The following EML6 variants were observed in gnomAD, a reference collection of about 807,000 sequenced individuals.
The protein encoded by EML6 is EMAP like 6, also known as echinoderm microtubule-associated protein-like 6.
Under a neutral mutation model 240.1 loss-of-function variants are expected in EML6, and 154 were observed. The observed-to-expected ratio is 0.64, with a 90% CI of 0.56 to 0.73. The LOEUF (loss-of-function observed/expected upper bound fraction) is 0.73. EML6 is among the 30% of genes least tolerant of loss of function. EML6 has a pLI of 0.00. For missense variants in EML6, 2,964 were observed against 2,474.6 expected, an observed-to-expected ratio of 1.20 and a Z score of -4.20; for synonymous variants, 1,148 against 899.0, an observed-to-expected ratio of 1.28 and a Z score of -4.95.
intron 2 of EML6, among the ~76,000 whole-genome samples, chr2:54,803,148 G>A: frequency 6.6e-6 from 1 of 152,120 alleles, no homozygotes; most frequent in Non-Finnish European, 1.5e-5. Flanking sequence ...GAAGGGGAAG[G>A]GAGTTGTTCT....
intron 5 of EML6, among the ~76,000 whole-genome samples, chr2:54,823,878 T>C (rs2631843): frequency 0.47 from 60,432 of 128,584 alleles, 15,376 homozygotes; most frequent in Middle Eastern, 0.63. Flanking sequence ...CTCTCTCTCT[T>C]TCTGTCTCTC....
At chr2:54,791,227 C>T (rs1669432846) in intron 2 of EML6, among the ~76,000 whole-genome samples, 1 of 152,104 alleles carries the variant, frequency 6.6e-6, no homozygotes, top group South Asian at 2.1e-4. Flanking sequence ...CAGATGATGC[C>T]AGTACATGCC....
intron 2 of EML6, among the ~76,000 whole-genome samples, chr2:54,790,966 C>A (rs1486091271): frequency 6.6e-6 from 1 of 152,072 alleles, no homozygotes; most frequent in African/African-American, 2.4e-5. Context: ...ACCTCGTGAT[C>A]CGCCCGCCTC....
At chr2:54,788,319 T>G (rs1456515451) in intron 2 of EML6, among the ~76,000 whole-genome samples, 1 of 152,212 alleles carries the variant, frequency 6.6e-6, no homozygotes, top group Non-Finnish European at 1.5e-5. Context: ...TGTTTTGTTG[T>G]GCCGGCTCCT....
intron 38 of EML6, among the ~76,000 whole-genome samples, chr2:54,965,968 T>G (rs1676729453): frequency 6.6e-6 from 1 of 152,228 alleles, no homozygotes; most frequent in Admixed American, 6.5e-5. Context: ...CAAAGTTAGT[T>G]CAGCCTACAT....
intron 16 of EML6, among the ~76,000 whole-genome samples, chr2:54,874,056 C>T (rs1671386499): frequency 6.6e-6 from 1 of 152,118 alleles, no homozygotes; most frequent in Non-Finnish European, 1.5e-5. Context: ...TTGGTTATTT[C>T]CTCTATAGAG....
chr2:54,864,525 G>C (rs1288835660), intron 13 of EML6, among the ~76,000 whole-genome samples: 5 of 152,148 alleles, frequency 3.3e-5, no homozygotes, highest in African/African-American at 4.8e-5. Context: ...ATACCACCTT[G>C]TTACAGCAAT....
Position 54,952,652 on chromosome 2 carries a change from G to T in EML6, c.4272G>T (p.Gln1424His). The T allele has an allele frequency of 6.4e-7, 1 of 1,551,398 alleles. No individual in the cohort carries two copies. Among genetic ancestry groups the T allele is most frequent in the African/African-American group, 1.4e-5 (1 of 73,162 alleles). Residue 1424 changes from glutamine to histidine, a missense_variant, in exon 31 of 42, where the codon CAG becomes CAT. Coordinates refer to ENST00000356458, the MANE Select transcript of EML6 (RefSeq NM_001039753.4). Reference protein sequence around the residue: ...TDDILCLTVNQHPKYRNVVAT... With the variant: ...TDDILCLTVNHHPKYRNVVAT... ...ACATCCTCTGTCTCACAGTGAACCAGCACCCCAAGTACAGAAACGTGGTGG... is the reference window on the plus strand; with the variant it reads ...ACATCCTCTGTCTCACAGTGAACCATCACCCCAAGTACAGAAACGTGGTGG...
intron 28 of EML6, among the ~76,000 whole-genome samples, chr2:54,933,386 C>T (rs1674962294): frequency 6.6e-6 from 1 of 152,170 alleles, no homozygotes; most frequent in Admixed American, 6.5e-5. Context: ...ATGTCTATTA[C>T]AGTTCACCCT....
rs1673624017 is a variant in EML6, at chr2:54,911,274, G to T, written c.3498+232G>T. Among the ~76,000 whole-genome samples, 3 of 152,200 alleles carry T rather than the reference G, an allele frequency of 2.0e-5. 1 individual carries two copies. In the South Asian group the frequency reaches 6.2e-4, roughly 32 times the overall value. ...TTGGTGCTCTGCTTAATTTTTCTCT[G>T]CCTGAAGACAATGAATAAGCTAGCA... On this transcript the variant is annotated intron_variant, in intron 25 of 41. Transcript: ENST00000356458.
At chr2:54,941,772 C>G (rs540419914) in intron 28 of EML6, among the ~76,000 whole-genome samples, 10 of 152,356 alleles carry the variant, frequency 6.6e-5, no homozygotes, top group African/African-American at 2.2e-4. Context: ...GCGTAGTGCA[C>G]GCAGGGCGAG....
At chr2:54,850,970 A>G (rs1202680154) in intron 10 of EML6, among the ~76,000 whole-genome samples, 1 of 152,262 alleles carries the variant, frequency 6.6e-6, no homozygotes, top group Non-Finnish European at 1.5e-5. Flanking sequence ...GTGTATGGTC[A>G]TTTATATAAA....
intron 28 of EML6, among the ~76,000 whole-genome samples, chr2:54,934,440 C>G (rs1006311726): frequency 6.6e-6 from 1 of 152,000 alleles, no homozygotes; most frequent in African/African-American, 2.4e-5. Flanking sequence ...TAGACATCTG[C>G]CAGGAGACCC....
chr2:54,885,331 C>G (rs2104026049), intron 17 of EML6, among the ~76,000 whole-genome samples: 1 of 151,996 alleles, frequency 6.6e-6, no homozygotes, highest in South Asian at 2.1e-4. Context: ...CCTGTAATCC[C>G]ACCTACTCAG....
chr2:54,908,754 A>G (rs551518829), intron 24 of EML6, among the ~76,000 whole-genome samples: 3 of 152,144 alleles, frequency 2.0e-5, no homozygotes, highest in Non-Finnish European at 4.4e-5. Context: ...CAAAGTCCAC[A>G]TCTCATCCCT....
chr2:54,816,955 C>A, intron 4 of EML6, 70 bp downstream of exon 4: 1 of 912,086 alleles, frequency 1.1e-6, no homozygotes, highest in Non-Finnish European at 1.8e-6. Context: ...GCGTCTCAGA[C>A]TTCTAATGTT....
intron 12 of EML6, among the ~76,000 whole-genome samples, chr2:54,860,125 A>T (rs905497939): frequency 1.3e-5 from 2 of 152,012 alleles, no homozygotes. Context: ...TCTGGCAGGA[A>T]CCCTACCCTG....
intron 2 of EML6, among the ~76,000 whole-genome samples, chr2:54,751,846 G>A (rs1684179691): frequency 6.6e-6 from 1 of 152,138 alleles, no homozygotes; most frequent in Non-Finnish European, 1.5e-5. Context: ...GGCAGTTAGA[G>A]GGTATCAAAA....
intron 24 of EML6, among the ~76,000 whole-genome samples, chr2:54,909,394 A>G (rs1412170803): frequency 6.6e-6 from 1 of 152,210 alleles, no homozygotes; most frequent in African/African-American, 2.4e-5. Context: ...TGCCCATTTC[A>G]GGGTACACAT....
Sources: gnomAD v4.1 joint callset for allele counts (sites outside exome capture counted in the v4.1 genomes callset) on GRCh38, gnomAD v4.1.1 for gene constraint, MANE v1.5 for transcripts, NCBI Gene and HGNC (gene_info 2026-07-23, HGNC 2026-07-21) for gene names.